The following TCF20 variants were observed in gnomAD, a reference collection of about 807,000 sequenced individuals.
TCF20 encodes the protein transcription factor 20, also known as SPRE-binding protein.
Under a neutral mutation model 148.6 loss-of-function variants are expected in TCF20, and 3 were observed. The ratio of observed to expected loss-of-function variants is 0.02; its 90% CI spans 0.01 to 0.05. The LOEUF (loss-of-function observed/expected upper bound fraction) is 0.05. Among genes scored for constraint, TCF20 ranks in the 10% least tolerant of loss-of-function variants. TCF20 has a pLI of 1.00. For missense variants in TCF20, 2,350 were observed against 2,429.3 expected, an observed-to-expected ratio of 0.97 and a Z score of 0.69; for synonymous variants, 1,049 against 909.5, an observed-to-expected ratio of 1.15 and a Z score of -2.76.
chr22:42,180,704 C>G (rs1206449584), intron 2 of TCF20, among the ~76,000 whole-genome samples: 1 of 152,222 alleles, frequency 6.6e-6, no homozygotes, highest in African/African-American at 2.4e-5. Context: ...AACAGCAAAG[C>G]CCAAGCGCTC....
rs775010649 is a variant in TCF20 at position 42,212,064 on chromosome 22, G to A, written c.3242C>T (p.Ser1081Phe). ...CATCTGTCTCTTATAATGCAGCTGA[G>A]AATTCAAACCTGCGTTAGGGTCCCC... ...AYGDPNAGLN[S>F]QLHYKRQMYQ... The change falls in exon 2 of 6, where the codon TCT becomes TTT. Residue 1081 changes from serine to phenylalanine, a missense_variant. Ser to Phe is a radical substitution (Grantham distance 155, BLOSUM62 -2). Transcript: ENST00000677622. 2 of 1,614,136 alleles carry A rather than the reference G, an allele frequency of 1.2e-6. No homozygotes were observed. The highest frequency in any genetic ancestry group is 1.7e-6 in the Non-Finnish European group (2 of 1,180,030).
At chr22:42,225,153 G>C (rs771528593) in intron 1 of TCF20, among the ~76,000 whole-genome samples, 1 of 151,902 alleles carries the variant, frequency 6.6e-6, no homozygotes, top group South Asian at 2.1e-4. Flanking sequence ...CTGCCACCAC[G>C]TCCGGCTAAT....
chr22:42,231,395 T>C (rs1045340331), intron 1 of TCF20, among the ~76,000 whole-genome samples: 11 of 151,872 alleles, frequency 7.2e-5, no homozygotes, highest in African/African-American at 2.4e-4. Context: ...TAAGTGAGGG[T>C]TGCTTGAGCC....
At chr22:42,174,641 C>T (rs1325121629) in intron 3 of TCF20, among the ~76,000 whole-genome samples, 1 of 152,166 alleles carries the variant, frequency 6.6e-6, no homozygotes, top group Non-Finnish European at 1.5e-5. Flanking sequence ...CCTGTATTCC[C>T]AGCTAGTTGG....
intron 3 of TCF20, among the ~76,000 whole-genome samples, chr22:42,177,191 G>A (rs1011230114): frequency 1.3e-5 from 2 of 152,098 alleles, no homozygotes; most frequent in Non-Finnish European, 2.9e-5. Flanking sequence ...GAGGTGGGTG[G>A]ATCACCTGAG....
upstream of TCF20, among the ~76,000 whole-genome samples, chr22:42,270,724 G>T (rs989160191): frequency 3.5e-5 from 5 of 142,284 alleles, no homozygotes; most frequent in Non-Finnish European, 7.8e-5. Context: ...GCGGGAGGGC[G>T]CGCGGCGGGG....
chr22:42,248,309 A>G (rs1968241836), intron 1 of TCF20, among the ~76,000 whole-genome samples: 1 of 152,230 alleles, frequency 6.6e-6, no homozygotes, highest in Admixed American at 6.5e-5. Context: ...GAAGCCACAT[A>G]GAGTTGCATG....
intron 2 of TCF20, among the ~76,000 whole-genome samples, chr22:42,200,191 C>T (rs76056712): frequency 1.6e-4 from 24 of 152,190 alleles, no homozygotes; most frequent in African/African-American, 4.8e-4. Flanking sequence ...ACATATTAAA[C>T]GCAAACCTAA....
At chr22:42,175,921 G>C (rs1469717207) in intron 3 of TCF20, among the ~76,000 whole-genome samples, 1 of 151,142 alleles carries the variant, frequency 6.6e-6, no homozygotes, top group African/African-American at 2.4e-5. Context: ...AGCCTCCCTG[G>C]GTAGCTGGGA....
intron 1 of TCF20, among the ~76,000 whole-genome samples, chr22:42,261,552 T>C (rs963538929): frequency 1.3e-5 from 2 of 151,954 alleles, no homozygotes; most frequent in Non-Finnish European, 2.9e-5. Context: ...TATTTCATTC[T>C]ACATTTTTTT....
At chr22:42,278,294 G>T (rs1459036817) in intron 1 of TCF20, 1 of 152,214 alleles carries the variant, frequency 6.6e-6, no homozygotes, top group Non-Finnish European at 1.5e-5. Flanking sequence ...CTCTGAGCTG[G>T]GTAGTTACTG....
intron 2 of TCF20, among the ~76,000 whole-genome samples, chr22:42,196,901 G>GT (rs1030505076): frequency 1.3e-4 from 20 of 152,224 alleles, no homozygotes; most frequent in Non-Finnish European, 2.6e-4. Context: ...GTTGACCCTG[G>GT]TATTGTCTAT....
intron 1 of TCF20, among the ~76,000 whole-genome samples, chr22:42,239,541 A>G (rs1272170174): frequency 6.6e-6 from 1 of 151,952 alleles, no homozygotes; most frequent in Non-Finnish European, 1.5e-5. Context: ...TAATCCCAGC[A>G]CTTTGGGAGG....
intron 1 of TCF20, among the ~76,000 whole-genome samples, chr22:42,326,676 C>A (rs1054805003): frequency 6.6e-6 from 1 of 152,258 alleles, no homozygotes. Flanking sequence ...GCACATCACC[C>A]CTCTGGGCCT....
At chr22:42,245,223 G>C (rs1924804320) in intron 1 of TCF20, among the ~76,000 whole-genome samples, 3 of 151,956 alleles carry the variant, frequency 2.0e-5, no homozygotes, top group Admixed American at 2.0e-4. Context: ...TTGTAGCTGG[G>C]ACTACAGGCA....
chr22:42,188,995 G>A (rs1937193939), intron 2 of TCF20, among the ~76,000 whole-genome samples: 1 of 152,132 alleles, frequency 6.6e-6, no homozygotes, highest in South Asian at 2.1e-4. Context: ...CATAAAGAGT[G>A]AGTAAGAGCT....
intron 1 of TCF20, among the ~76,000 whole-genome samples, chr22:42,267,765 T>C (rs1393209952): frequency 6.6e-6 from 1 of 152,190 alleles, no homozygotes; most frequent in Non-Finnish European, 1.5e-5. Context: ...AGAAAATTAC[T>C]ACCAAACTGT....
At chr22:42,221,798 G>C (rs933077659) in intron 1 of TCF20, among the ~76,000 whole-genome samples, 2 of 145,086 alleles carry the variant, frequency 1.4e-5, no homozygotes, top group Non-Finnish European at 3.0e-5. Context: ...GAGTGCAGTG[G>C]CGATATCTCG....
At chr22:42,306,299 G>A (rs1477715454) in intron 1 of TCF20, among the ~76,000 whole-genome samples, 1 of 152,390 alleles carries the variant, frequency 6.6e-6, no homozygotes, top group Non-Finnish European at 1.5e-5. Context: ...CAAGGAAAGT[G>A]GCGCGAGGGC....
Sources: gnomAD v4.1 joint callset for allele counts (sites outside exome capture counted in the v4.1 genomes callset) on GRCh38, gnomAD v4.1.1 for gene constraint, MANE v1.5 for transcripts, NCBI Gene and HGNC (gene_info 2026-07-23, HGNC 2026-07-21) for gene names.